The following CERKL variants were observed in gnomAD, a reference collection of about 807,000 sequenced individuals.
The protein encoded by CERKL is ceramide kinase-like protein.
CERKL carries 61 observed loss-of-function variants against 63.4 expected under a neutral mutation model. That is an observed-to-expected ratio of 0.96 (90% CI 0.78 to 1.19). The LOEUF (loss-of-function observed/expected upper bound fraction) is 1.19. Among genes scored for constraint, CERKL ranks in the 50% most tolerant of loss-of-function variants. The pLI, the probability that CERKL is intolerant of heterozygous loss-of-function variation, is 0.00. For synonymous variants in CERKL, 250 were observed against 230.5 expected (o/e 1.08, Z -0.77); for missense variants, 675 against 655.5 (o/e 1.03, Z -0.33).
chr2:181,555,218 C>T (rs1688152508), intron 5 of CERKL, among the ~76,000 whole-genome samples: 1 of 152,148 alleles, frequency 6.6e-6, no homozygotes, highest in African/African-American at 2.4e-5. Context: ...TGATGTATGG[C>T]AGTCAATGAA....
intron 11 of CERKL, among the ~76,000 whole-genome samples, chr2:181,543,482 A>G (rs1177072368): frequency 6.6e-6 from 1 of 152,200 alleles, no homozygotes; most frequent in African/African-American, 2.4e-5. Flanking sequence ...TAGTTGTTCA[A>G]TACATGAGGA....
chr2:181,569,314 T>C (rs899627979), intron 3 of CERKL, among the ~76,000 whole-genome samples: 1 of 152,182 alleles, frequency 6.6e-6, no homozygotes, highest in Non-Finnish European at 1.5e-5. Flanking sequence ...TGTATTAAAA[T>C]GCAGGTAAAA....
chr2:181,579,722 C>G (rs1684417188), intron 2 of CERKL, among the ~76,000 whole-genome samples: 1 of 151,792 alleles, frequency 6.6e-6, no homozygotes, highest in African/African-American at 2.4e-5. Flanking sequence ...TTTATGGTCT[C>G]AATTTTATAT....
chr2:181,617,704 G>A (rs1042704192), intron 1 of CERKL, among the ~76,000 whole-genome samples: 2 of 152,028 alleles, frequency 1.3e-5, no homozygotes, highest in African/African-American at 2.4e-5. Context: ...TCATACGTGG[G>A]CAAAATATCC....
At chr2:181,609,083 T>C (rs770940187) in intron 1 of CERKL, among the ~76,000 whole-genome samples, 3 of 152,192 alleles carry the variant, frequency 2.0e-5, no homozygotes, top group Admixed American at 6.5e-5. Flanking sequence ...AGATTACATA[T>C]TTTCCATGCC....
chr2:181,591,794 C>T (rs1361301949), intron 2 of CERKL, among the ~76,000 whole-genome samples: 3 of 152,048 alleles, frequency 2.0e-5, no homozygotes, highest in Non-Finnish European at 4.4e-5. Flanking sequence ...GTCCTAACTC[C>T]GTCAGCTACA....
At chr2:181,574,429 A>T (rs1689037194) in intron 2 of CERKL, among the ~76,000 whole-genome samples, 1 of 152,148 alleles carries the variant, frequency 6.6e-6, no homozygotes, top group Admixed American at 6.6e-5. Flanking sequence ...AGTTAAAAAG[A>T]GGGTTTCGGT....
chr2:181,646,426 A>C (rs1329443937), intron 1 of CERKL, among the ~76,000 whole-genome samples: 3 of 152,256 alleles, frequency 2.0e-5, no homozygotes, highest in Non-Finnish European at 4.4e-5. Context: ...CTGACAGCTG[A>C]TGCTGAATAA....
chr2:181,634,921 C>A (rs947840678), intron 1 of CERKL, among the ~76,000 whole-genome samples: 10 of 152,064 alleles, frequency 6.6e-5, no homozygotes, highest in African/African-American at 2.2e-4. Context: ...TTGGAACTAG[C>A]CATATCACAC....
chr2:181,642,953 A>C lies in CERKL; in HGVS notation c.238+13816T>G, dbSNP rs192420018. ...TTTCCAATGACAATACCTACACCAA[A>C]GCGATTGCCCACCTCTAGTCACTGT... On this transcript the variant is annotated intron_variant, in intron 1 of 12. Transcript: ENST00000410087. 9.9e-4 allele frequency among the ~76,000 whole-genome samples: 151 copies of C among 152,226 alleles called. 1 individual carries two copies. Among genetic ancestry groups the C allele is most frequent in the African/African-American group, 3.2e-3 (132 of 41,532 alleles).
At chr2:181,544,676 A>G in intron 11 of CERKL, 24 bp downstream of exon 11, 1 of 1,347,324 alleles carries the variant, frequency 7.4e-7, no homozygotes. Context: ...TTTGCAAATA[A>G]GTAACAAAAA....
At chr2:181,573,465 C>T (rs1688993722) in intron 3 of CERKL, among the ~76,000 whole-genome samples, 1 of 152,042 alleles carries the variant, frequency 6.6e-6, no homozygotes, top group Non-Finnish European at 1.5e-5. Context: ...CAAACATCTC[C>T]ATGAAGATGT....
intron 1 of CERKL, among the ~76,000 whole-genome samples, chr2:181,636,253 T>C (rs948439101): frequency 2.6e-5 from 4 of 152,192 alleles, no homozygotes; most frequent in Admixed American, 2.6e-4. Context: ...TCTATCCCAC[T>C]GCCCAAGCTA....
At chr2:181,628,894 C>A (rs1686827177) in intron 1 of CERKL, among the ~76,000 whole-genome samples, 1 of 152,090 alleles carries the variant, frequency 6.6e-6, no homozygotes, top group Non-Finnish European at 1.5e-5. Flanking sequence ...ATGCTGGGTA[C>A]AACATCTGTT....
At position 181,548,678 on chromosome 2, in the gene CERKL, A is replaced by G; in HGVS notation, c.1073+2T>C. On this transcript the variant is annotated splice_donor_variant, in intron 7 of 12. Coordinates refer to ENST00000410087, the MANE Select transcript of CERKL (RefSeq NM_201548.5). LOFTEE classifies it high-confidence loss of function. ...AATTTTTGGTTTAAGAAAAAGACTT[A>G]CTTAAGTTTTGCCAGTGCCTTAACA... 1 of 1,613,800 alleles carries G rather than the reference A, an allele frequency of 6.2e-7. No individual in the cohort carries two copies. The highest frequency in any genetic ancestry group is 2.2e-5 in the East Asian group (1 of 44,854).
chr2:181,640,288 A>G (rs1483516708), intron 1 of CERKL, among the ~76,000 whole-genome samples: 2 of 152,236 alleles, frequency 1.3e-5, no homozygotes, highest in East Asian at 3.9e-4. Context: ...GAGCATTTAG[A>G]GTCATGGCTG....
Position 181,553,186 on chromosome 2 carries a change from G to C in CERKL, c.821-3478C>G, listed in dbSNP as rs1400668814. On this transcript the variant is annotated intron_variant, in intron 5 of 12. Coordinates refer to ENST00000410087, the MANE Select transcript of CERKL (RefSeq NM_201548.5). The stretch of plus-strand genomic sequence containing the variant: ...AAGTAGTGTAGAAACCTGTTACTCA[G>C]TGGATCTTTATCAAGGTCTTTCCAA... Among the ~76,000 whole-genome samples the C allele has an allele frequency of 2.0e-5, 3 of 152,134 alleles. No homozygotes were observed. The South Asian group carries it at 6.2e-4, about 32-fold the overall frequency.
chr2:181,548,300 A>G (rs1687823347), intron 8 of CERKL: 1 of 549,138 alleles, frequency 1.8e-6, no homozygotes, highest in Non-Finnish European at 3.2e-6. Context: ...AGGGAAGGGA[A>G]AAAGAGAACG....
chr2:181,578,921 C>T (rs1684380505), intron 2 of CERKL, among the ~76,000 whole-genome samples: 1 of 151,958 alleles, frequency 6.6e-6, no homozygotes, highest in Admixed American at 6.6e-5. Flanking sequence ...GGACAAACTT[C>T]TGGAAGTAGA....
Sources: gnomAD v4.1 joint callset for allele counts (sites outside exome capture counted in the v4.1 genomes callset) on GRCh38, gnomAD v4.1.1 for gene constraint, MANE v1.5 for transcripts, NCBI Gene and HGNC (gene_info 2026-07-23, HGNC 2026-07-21) for gene names.